LYPD6B: variants seen among roughly 807,000 people sequenced by gnomAD.
LYPD6B encodes ly6/PLAUR domain-containing protein 6B.
LYPD6B carries 17 observed loss-of-function variants against 22.8 expected under a neutral mutation model. The observed-to-expected ratio is 0.75, with a 90% CI of 0.51 to 1.12. The LOEUF (loss-of-function observed/expected upper bound fraction) is 1.12. LYPD6B is among the 50% of genes most tolerant of loss of function. LYPD6B has a pLI of 0.00. For missense variants in LYPD6B, 221 were observed against 258.3 expected (o/e 0.86, Z 0.99); for synonymous variants, 106 against 91.6 (o/e 1.16, Z -0.90).
At chr2:149,154,596 A>G (rs1194988328) in intron 2 of LYPD6B, among the ~76,000 whole-genome samples, 2 of 142,714 alleles carry the variant, frequency 1.4e-5, no homozygotes, top group African/African-American at 5.2e-5. Flanking sequence ...AACTTTTGTT[A>G]TTTTATGTGA....
chr2:149,042,898 A>T (rs897889400), intron 1 of LYPD6B, among the ~76,000 whole-genome samples: 2 of 152,196 alleles, frequency 1.3e-5, no homozygotes, highest in Admixed American at 1.3e-4. Flanking sequence ...AATGTTAAAT[A>T]ACTCAATTTT....
At chr2:149,113,371 A>G (rs1686853077) in intron 1 of LYPD6B, among the ~76,000 whole-genome samples, 1 of 152,104 alleles carries the variant, frequency 6.6e-6, no homozygotes, top group Admixed American at 6.6e-5. Context: ...TTGCTCAAAG[A>G]CTTGTGTTTT....
intron 1 of LYPD6B, among the ~76,000 whole-genome samples, chr2:149,125,295 G>C (rs1317205463): frequency 1.3e-5 from 2 of 152,128 alleles, no homozygotes; most frequent in Non-Finnish European, 2.9e-5. Flanking sequence ...CACCTGGCCT[G>C]CAAGTTAGGA....
At chr2:149,125,130 C>T (rs1014257225) in intron 1 of LYPD6B, among the ~76,000 whole-genome samples, 3 of 152,060 alleles carry the variant, frequency 2.0e-5, no homozygotes, top group Non-Finnish European at 4.4e-5. Context: ...GCCTCATTTC[C>T]GCCATCCCAA....
chr2:149,205,162 T>C (rs1693426713), intron 3 of LYPD6B, 91 bp from the exon 4 acceptor site: 1 of 1,349,866 alleles, frequency 7.4e-7, no homozygotes, highest in Middle Eastern at 2.0e-4. Flanking sequence ...TTGGATATAT[T>C]TGGATAATGG....
At chr2:149,066,244 G>A (rs979732930) in intron 1 of LYPD6B, among the ~76,000 whole-genome samples, 1 of 151,374 alleles carries the variant, frequency 6.6e-6, no homozygotes, top group African/African-American at 2.4e-5. Context: ...TGTTACATAT[G>A]TATACATGTG....
intron 3 of LYPD6B, chr2:149,161,386 T>C (rs1690057569): frequency 6.5e-6 from 1 of 154,654 alleles, no homozygotes; most frequent in Non-Finnish European, 1.4e-5. Flanking sequence ...GTGGGCACAT[T>C]GAAAGTTATG....
At chr2:149,083,031 A>G (rs1685207801) in intron 1 of LYPD6B, among the ~76,000 whole-genome samples, 1 of 152,226 alleles carries the variant, frequency 6.6e-6, no homozygotes, top group Non-Finnish European at 1.5e-5. Context: ...CTGTCAGATA[A>G]TGAAGCCAAC....
chr2:149,127,885 C>T (rs531384303), intron 1 of LYPD6B, among the ~76,000 whole-genome samples: 10 of 152,238 alleles, frequency 6.6e-5, no homozygotes, highest in Admixed American at 1.3e-4. Flanking sequence ...CCCTAATACC[C>T]AGCACAATTT....
At chr2:149,109,438 T>A (rs1385225585) in intron 1 of LYPD6B, among the ~76,000 whole-genome samples, 2 of 152,174 alleles carry the variant, frequency 1.3e-5, no homozygotes, top group African/African-American at 4.8e-5. Flanking sequence ...GGCTACTTTT[T>A]AATTCTTTTT....
Position 149,130,860 on chromosome 2 carries a change from C to T in LYPD6B, c.-66-23C>T, listed in dbSNP as rs185693694. The T allele has an allele frequency of 5.1e-4, 490 of 957,916 alleles. 5 individuals carry two copies. The East Asian group carries it at 0.011, about 22-fold the overall frequency. 59.3% of individuals were successfully genotyped at this position (957,916 alleles called of 1,614,324 possible). A position where few individuals can be genotyped will look rare whatever the true frequency, so the allele number is the denominator to read the frequency against. On this transcript the variant is annotated intron_variant, in intron 1 of 6. Transcript: ENST00000409642. The stretch of plus-strand genomic sequence containing the variant: ...GTCTATAATATCAGTCATAATGATA[C>T]CTTTTCATGTTCATTTGTTTAGATA...
chr2:149,069,908 T>C (rs1574910811), intron 1 of LYPD6B, among the ~76,000 whole-genome samples: 1 of 130,726 alleles, frequency 7.6e-6, no homozygotes, highest in African/African-American at 3.2e-5. Context: ...GCTGTACAAC[T>C]TTTTTTTTTT....
At chr2:149,040,121 T>C (rs1683005876) in intron 1 of LYPD6B, among the ~76,000 whole-genome samples, 1 of 152,152 alleles carries the variant, frequency 6.6e-6, no homozygotes, top group South Asian at 2.1e-4. Context: ...TTCAGGCTTA[T>C]CTGCTCCTTC....
At chr2:149,075,334 G>A in intron 1 of LYPD6B, among the ~76,000 whole-genome samples, 1 of 152,170 alleles carries the variant, frequency 6.6e-6, no homozygotes, top group Admixed American at 6.6e-5. Context: ...AGACAATCAA[G>A]TGTAGATTGA....
chr2:149,089,862 C>A (rs1474648980), intron 1 of LYPD6B, among the ~76,000 whole-genome samples: 1 of 152,150 alleles, frequency 6.6e-6, no homozygotes, highest in Non-Finnish European at 1.5e-5. Context: ...ATCAAAACTG[C>A]TTAATTGTGC....
At chr2:149,104,655 A>G (rs1387397904) in intron 1 of LYPD6B, among the ~76,000 whole-genome samples, 5 of 152,296 alleles carry the variant, frequency 3.3e-5, no homozygotes, top group African/African-American at 9.6e-5. Context: ...CTTTTATTAT[A>G]ATCTGTGGCT....
chr2:149,039,899 G>A (rs1682993432), intron 1 of LYPD6B, among the ~76,000 whole-genome samples: 1 of 152,194 alleles, frequency 6.6e-6, no homozygotes, highest in Non-Finnish European at 1.5e-5. Flanking sequence ...TTTTCTTTGG[G>A]TTGGGTTTTG....
At chr2:149,079,566 C>T (rs1027735106) in intron 1 of LYPD6B, among the ~76,000 whole-genome samples, 2 of 152,150 alleles carry the variant, frequency 1.3e-5, no homozygotes, top group African/African-American at 4.8e-5. Flanking sequence ...CTACCAGCCA[C>T]CCTTGAAGTC....
rs200919332 is a variant in LYPD6B, at chr2:149,153,778, GA to G, written c.6-6974del. The stretch of plus-strand genomic sequence containing the variant: ...AACAGAGTGAGACTCTGTCTCAAAA[GA>G]AAAAAAAAAAAGAAGAAGTCTTTAC... On this transcript the variant is annotated intron_variant, in intron 2 of 6. Coordinates refer to ENST00000409642, the MANE Select transcript of LYPD6B (RefSeq NM_177964.5). Among the ~76,000 whole-genome samples the G allele has an allele frequency of 5.0e-4, 69 of 138,064 alleles. No individual in the cohort carries two copies. In the East Asian group the frequency reaches 5.4e-3, roughly 11 times the overall value. The allele number at this position is 138,064 out of a possible 152,430, so 90.6% of individuals were successfully genotyped here.
Sources: allele counts gnomAD v4.1 joint callset (sites outside exome capture counted in the v4.1 genomes callset), GRCh38; gene constraint gnomAD v4.1.1; transcripts MANE v1.5; gene names NCBI Gene and HGNC (gene_info 2026-07-23, HGNC 2026-07-21).